Variants in RAB11FIP4 observed in about 807,000 individuals in gnomAD.
The protein encoded by RAB11FIP4 is rab11 family-interacting protein 4.
RAB11FIP4 carries 23 observed loss-of-function variants against 74.3 expected under a neutral mutation model. That is an observed-to-expected ratio of 0.31 (90% CI 0.22 to 0.44). The LOEUF (loss-of-function observed/expected upper bound fraction) is 0.44. Among genes scored for constraint, RAB11FIP4 ranks in the 20% least tolerant of loss-of-function variants. The pLI, the probability that RAB11FIP4 is intolerant of heterozygous loss-of-function variation, is 1.00. For synonymous variants in RAB11FIP4, 360 were observed against 359.9 expected, an observed-to-expected ratio of 1.00 and a Z score of 0.00; for missense variants, 630 against 863.9, an observed-to-expected ratio of 0.73 and a Z score of 3.39.
intron 1 of RAB11FIP4, among the ~76,000 whole-genome samples, chr17:31,402,516 C>T (rs1015831933): frequency 3.9e-5 from 6 of 152,166 alleles, no homozygotes; most frequent in Non-Finnish European, 8.8e-5. Context: ...TTTATGATTT[C>T]TCACTTCCCA....
intron 3 of RAB11FIP4, among the ~76,000 whole-genome samples, chr17:31,452,367 C>T (rs142939254): frequency 3.8e-4 from 58 of 152,290 alleles, no homozygotes; most frequent in African/African-American, 1.3e-3. Flanking sequence ...CGAGGACCAG[C>T]TCAAAGGCTG....
intron 4 of RAB11FIP4, among the ~76,000 whole-genome samples, chr17:31,519,501 C>G (rs1400329627): frequency 2.0e-5 from 3 of 152,150 alleles, no homozygotes; most frequent in Non-Finnish European, 2.9e-5. Flanking sequence ...CACCAAGTCT[C>G]TCGAGGGATA....
intron 3 of RAB11FIP4, chr17:31,465,462 C>A (rs178883): frequency 0.56 from 83,406 of 148,620 alleles, 24,552 homozygotes; most frequent in Non-Finnish European, 0.65. Context: ...TCCCACATTA[C>A]AACTCACCAT....
At chr17:31,522,601 C>T (rs2072689723) in intron 7 of RAB11FIP4, 1 of 554,984 alleles carries the variant, frequency 1.8e-6, no homozygotes, top group Non-Finnish European at 3.2e-6. Context: ...TCTCCCCACC[C>T]CTTGTCCCTT....
chr17:31,522,486 G>A, intron 7 of RAB11FIP4, 91 bp downstream of exon 7: 1 of 1,265,562 alleles, frequency 7.9e-7, no homozygotes, highest in Non-Finnish European at 1.1e-6. Context: ...GACTCAGCTG[G>A]TGCCCGCATG....
chr17:31,508,029 T>A (rs2072385360), intron 3 of RAB11FIP4, among the ~76,000 whole-genome samples: 1 of 152,172 alleles, frequency 6.6e-6, no homozygotes, highest in African/African-American at 2.4e-5. Context: ...GGTTTCACCA[T>A]GTTTCCTATG....
intron 3 of RAB11FIP4, among the ~76,000 whole-genome samples, chr17:31,491,349 C>T (rs777259433): frequency 3.3e-5 from 5 of 152,226 alleles, no homozygotes; most frequent in Non-Finnish European, 7.3e-5. Flanking sequence ...ACTGGAGATA[C>T]AGCAGTGAAC....
rs2072938409 is a variant in RAB11FIP4, at chr17:31,535,234, CAT to C, written c.*3504_*3505del. 7.4e-6 allele frequency: 1 copy of C among 134,882 alleles called. No individual in the cohort carries two copies. The highest frequency in any genetic ancestry group is 2.8e-5 in the African/African-American group (1 of 35,436). The allele number at this position is 134,882 out of a possible 1,614,324, so 8.4% of individuals were successfully genotyped here. On this transcript the variant is annotated 3_prime_UTR_variant, in exon 15 of 15. Coordinates refer to ENST00000621161, the MANE Select transcript of RAB11FIP4 (RefSeq NM_032932.6). The stretch of plus-strand genomic sequence containing the variant: ...AGGAGTCCTAAACCAGCCTGGGCAA[CAT>C]AGTGATACCTTGTCTCTACCAAAAG...
rs576198742 is a variant in RAB11FIP4, at chr17:31,510,213, C to T, written c.337-7438C>T. ...TCAGTAAGCTGAATTTCCTGCTGCCCATAGGAAGGACCCCGTGAGACCTTG... is the reference window on the plus strand; with the variant it reads ...TCAGTAAGCTGAATTTCCTGCTGCCTATAGGAAGGACCCCGTGAGACCTTG... On this transcript the variant is annotated intron_variant, in intron 3 of 14. Transcript: ENST00000621161. Among the ~76,000 whole-genome samples the T allele has an allele frequency of 6.8e-4, 103 of 152,198 alleles. 1 individual carries two copies. The highest frequency in any genetic ancestry group is 5.2e-3 in the Admixed American group (80 of 15,286).
chr17:31,487,472 G>C (rs1164204086), intron 3 of RAB11FIP4, among the ~76,000 whole-genome samples: 1 of 145,288 alleles, frequency 6.9e-6, no homozygotes, highest in Admixed American at 6.8e-5. Flanking sequence ...TTTTTTTTTT[G>C]GTTCTTTAGT....
chr17:31,472,168 A>G (rs2071743846), intron 3 of RAB11FIP4, among the ~76,000 whole-genome samples: 2 of 151,902 alleles, frequency 1.3e-5, no homozygotes, highest in Non-Finnish European at 2.9e-5. Flanking sequence ...GTCTCAAAAA[A>G]AAAAAAAAAT....
intron 1 of RAB11FIP4, among the ~76,000 whole-genome samples, chr17:31,422,097 T>C (rs1023973443): frequency 6.6e-6 from 1 of 151,954 alleles, no homozygotes; most frequent in Admixed American, 6.6e-5. Context: ...ATTGCTTGAG[T>C]CTGGGAGGTG....
At chr17:31,477,986 G>A (rs2071810964) in intron 3 of RAB11FIP4, among the ~76,000 whole-genome samples, 1 of 145,518 alleles carries the variant, frequency 6.9e-6, no homozygotes, top group African/African-American at 2.6e-5. Context: ...GTGGCCATTT[G>A]CTGTTAATAC....
At chr17:31,518,083 G>T (rs1281757195) in intron 4 of RAB11FIP4, among the ~76,000 whole-genome samples, 7 of 152,180 alleles carry the variant, frequency 4.6e-5, no homozygotes. Flanking sequence ...AGGCAGCTGT[G>T]CAAAGTCAAG....
At chr17:31,394,372 A>G (rs572778560) in intron 1 of RAB11FIP4, among the ~76,000 whole-genome samples, 97 of 152,156 alleles carry the variant, frequency 6.4e-4, no homozygotes, top group Admixed American at 1.5e-3. Flanking sequence ...CTGGTTTAAT[A>G]TGCAGACCTT....
chr17:31,399,411 T>A (rs2070962707), intron 1 of RAB11FIP4, among the ~76,000 whole-genome samples: 1 of 152,168 alleles, frequency 6.6e-6, no homozygotes, highest in African/African-American at 2.4e-5. Context: ...CGGGTCCAGA[T>A]TTAAAAATTT....
At position 31,434,095 on chromosome 17, in the gene RAB11FIP4, G is replaced by A. The variant is rs753655255; in HGVS notation, c.309G>A (p.Ala103=). The change falls in exon 3 of 15, where the codon GCG becomes GCA. Residue 103 remains alanine (A), a synonymous_variant. Coordinates refer to ENST00000621161, the MANE Select transcript of RAB11FIP4 (RefSeq NM_032932.6). The part of the protein sequence containing the change: ...SVESAGTLPC[A]PEIPDCVEQG... ...AGAGCGCGGGGACGCTGCCGTGCGC[G>A]CCAGAGATCCCAGACTGCGTGGAGC... 9.5e-6 allele frequency: 15 copies of A among 1,584,954 alleles called. No individual in the cohort carries two copies. The highest frequency in any genetic ancestry group is 8.0e-5 in the African/African-American group (6 of 74,776).
chr17:31,407,040 A>ATTTTTTTTT lies in RAB11FIP4; in HGVS notation c.159+15050_159+15058dup, dbSNP rs59919036. Among the ~76,000 whole-genome samples, 60 of 51,212 alleles carry ATTTTTTTTT rather than the reference A, an allele frequency of 1.2e-3. 8 individuals carry two copies. Among genetic ancestry groups the ATTTTTTTTT allele is most frequent in the Admixed American group, 2.3e-3 (7 of 3,086 alleles). 33.6% of individuals were successfully genotyped at this position (51,212 alleles called of 152,430 possible). Reference sequence around the variant, plus strand: ...CACATTTGTTTTTTTGTTTCACTTGATTTTTTTTTTTTTTTTTTTTTTTTT... The same window carrying ATTTTTTTTT: ...CACATTTGTTTTTTTGTTTCACTTGATTTTTTTTTTTTTTTTTTTTTTTTTTTTTTTTTT... On this transcript the variant is annotated intron_variant, in intron 1 of 14. Transcript: ENST00000621161.
At chr17:31,432,060 A>T (rs529847830) in intron 2 of RAB11FIP4, among the ~76,000 whole-genome samples, 160 bp downstream of exon 2, 38 of 152,268 alleles carry the variant, frequency 2.5e-4, no homozygotes, top group African/African-American at 8.9e-4. Context: ...GGGGGGCCAG[A>T]GGAGAAGGAC....
Sources: allele counts gnomAD v4.1 joint callset (sites outside exome capture counted in the v4.1 genomes callset), GRCh38; gene constraint gnomAD v4.1.1; transcripts MANE v1.5; gene names NCBI Gene and HGNC (gene_info 2026-07-23, HGNC 2026-07-21).